The following NRCAM variants were observed in gnomAD, a reference collection of about 807,000 sequenced individuals.
NRCAM encodes NgCAM-related cell adhesion molecule.
In NRCAM, 83 loss-of-function variants were observed where a neutral mutation model predicts 156.5. The ratio of observed to expected loss-of-function variants is 0.53; its 90% CI spans 0.44 to 0.64. The LOEUF is 0.64. NRCAM is among the 30% of genes least tolerant of loss of function. NRCAM has a pLI of 0.00. For missense variants in NRCAM, 1,417 were observed against 1,597.3 expected (o/e 0.89, Z 1.92); for synonymous variants, 538 against 563.9 (o/e 0.95, Z 0.65).
intron 2 of NRCAM, among the ~76,000 whole-genome samples, chr7:108,366,323 T>C (rs937891517): frequency 3.9e-5 from 6 of 152,214 alleles, no homozygotes; most frequent in Admixed American, 2.6e-4. Flanking sequence ...TAGGTGGAGA[T>C]ATATTTAAAG....
intron 2 of NRCAM, among the ~76,000 whole-genome samples, chr7:108,387,493 G>A (rs1226670659): frequency 6.6e-6 from 1 of 151,988 alleles, no homozygotes; most frequent in Non-Finnish European, 1.5e-5. Flanking sequence ...TGAATATTTT[G>A]CTGTCAAATC....
At chr7:108,205,192 G>A (rs938983808) in intron 13 of NRCAM, among the ~76,000 whole-genome samples, 10 of 152,174 alleles carry the variant, frequency 6.6e-5, no homozygotes, top group African/African-American at 2.4e-4. Flanking sequence ...AAGGTCTTGA[G>A]GGAGCCCGTA....
At chr7:108,410,434 T>A (rs1794013727) in intron 1 of NRCAM, among the ~76,000 whole-genome samples, 1 of 152,174 alleles carries the variant, frequency 6.6e-6, no homozygotes, top group African/African-American at 2.4e-5. Context: ...CTCCTTAAAT[T>A]TGATGGGTTT....
In NRCAM at chr7:108,367,081, C is replaced by G. The variant is rs572668419; in HGVS notation, c.-174+32355G>C. 2.6e-5 allele frequency among the ~76,000 whole-genome samples: 4 copies of G among 152,246 alleles called. No individual in the cohort carries two copies. In the East Asian group the frequency reaches 5.8e-4, roughly 22 times the overall value. On this transcript the variant is annotated intron_variant, in intron 2 of 32. Coordinates refer to ENST00000379028, the MANE Select transcript of NRCAM (RefSeq NM_001037132.4). Reference sequence around the variant, plus strand: ...TACTCAATTCTTTGGCAGTCTGCTACTTTGATTAGAACAGAAAATGGGAAA... The same window carrying G: ...TACTCAATTCTTTGGCAGTCTGCTAGTTTGATTAGAACAGAAAATGGGAAA...
intron 1 of NRCAM, among the ~76,000 whole-genome samples, chr7:108,408,546 G>T (rs190229084): frequency 1.8e-4 from 28 of 152,324 alleles, no homozygotes; most frequent in Admixed American, 4.6e-4. Flanking sequence ...CTCCCCTCCT[G>T]ACATATGAGG....
intron 2 of NRCAM, among the ~76,000 whole-genome samples, chr7:108,394,068 T>C (rs1344182285): frequency 1.3e-5 from 2 of 152,180 alleles, no homozygotes; most frequent in East Asian, 3.8e-4. Flanking sequence ...TCCTACACAT[T>C]GTCCTGAACT....
At chr7:108,423,396 T>C (rs1399017540) in intron 1 of NRCAM, among the ~76,000 whole-genome samples, 1 of 151,774 alleles carries the variant, frequency 6.6e-6, no homozygotes, top group African/African-American at 2.4e-5. Context: ...AAAGTGGGGA[T>C]GGGGGTGGAA....
chr7:108,256,105 G>A (rs371466926), intron 3 of NRCAM, among the ~76,000 whole-genome samples: 63 of 150,704 alleles, frequency 4.2e-4, no homozygotes, highest in African/African-American at 1.4e-3. Flanking sequence ...CTGCCCGGCC[G>A]CCACCCCGTC....
intron 2 of NRCAM, among the ~76,000 whole-genome samples, chr7:108,364,028 T>C (rs73420264): frequency 0.01 from 1,524 of 152,300 alleles, 29 homozygotes; most frequent in African/African-American, 0.033. Context: ...TTAATAATAA[T>C]GTATTCATAT....
intron 8 of NRCAM, among the ~76,000 whole-genome samples, chr7:108,229,370 C>T (rs1436111615): frequency 2.0e-5 from 3 of 152,168 alleles, no homozygotes; most frequent in Non-Finnish European, 4.4e-5. Flanking sequence ...TGAAGCAATC[C>T]TCCCATCCCA....
At chr7:108,180,524 G>A (rs1182349450) in intron 24 of NRCAM, 97 bp from the exon 25 acceptor site, 25 of 979,014 alleles carry the variant, frequency 2.6e-5, no homozygotes, top group East Asian at 2.0e-4. Context: ...AGAAAATTCC[G>A]TTGGTATATT....
Position 108,195,771 on chromosome 7 carries a change from T to A in NRCAM, c.1453A>T (p.Thr485Ser). 1 of 1,588,294 alleles carries A rather than the reference T, an allele frequency of 6.3e-7. No homozygotes were observed. ...AGAGCTGCTACTTACCACTCGATGG[T>A]TGGGAGAGGAGACCCAAAGAAGGCA... ...DCAFFGSPLP[T>S]IEWFKGAKGS... Residue 485 changes from threonine to serine, a missense_variant, in exon 15 of 33, where the codon ACC (threonine) becomes TCC (serine). Around this residue, in one of 2 missense-constraint regions of NRCAM, gnomAD observed 1,238 missense variants for 1,336.4 expected, o/e 0.93. Transcript: ENST00000379028.
intron 2 of NRCAM, among the ~76,000 whole-genome samples, chr7:108,325,135 G>C (rs780543582): frequency 5.9e-5 from 8 of 134,980 alleles, no homozygotes; most frequent in Non-Finnish European, 1.1e-4. Context: ...AAATACATTA[G>C]TCTTTTCAGC....
At chr7:108,351,099 G>C (rs13230465) in intron 2 of NRCAM, among the ~76,000 whole-genome samples, 29,939 of 152,106 alleles carry the variant, frequency 0.2, 3,491 homozygotes, top group East Asian at 0.45. Context: ...ATGCAACACT[G>C]CTGACAAGTG....
At chr7:108,182,581 G>T (rs9987047) in intron 23 of NRCAM, 114 bp downstream of exon 23, 1 of 835,426 alleles carries the variant, frequency 1.2e-6, no homozygotes, top group Non-Finnish European at 1.9e-6. Context: ...CAGAGAAGTC[G>T]TGCAAAATAA....
chr7:108,234,529 GA>G, intron 6 of NRCAM, 53 bp downstream of exon 6: 1 of 1,084,170 alleles, frequency 9.2e-7, no homozygotes, highest in Middle Eastern at 2.0e-4. Flanking sequence ...TCTCTATTCA[GA>G]GAGATTTCCT....
intron 2 of NRCAM, among the ~76,000 whole-genome samples, chr7:108,358,406 A>G (rs1173985957): frequency 6.6e-6 from 1 of 152,128 alleles, no homozygotes; most frequent in Non-Finnish European, 1.5e-5. Context: ...CCTTGTCTCA[A>G]AACAAAAACC....
intron 3 of NRCAM, among the ~76,000 whole-genome samples, chr7:108,309,057 G>GC (rs1487022620): frequency 2.0e-5 from 3 of 152,198 alleles, no homozygotes; most frequent in Non-Finnish European, 4.4e-5. Flanking sequence ...CGCCTGGGTT[G>GC]AAAGAACAGA....
At chr7:108,414,942 A>T (rs1470492942) in intron 1 of NRCAM, among the ~76,000 whole-genome samples, 2 of 152,144 alleles carry the variant, frequency 1.3e-5, no homozygotes, top group African/African-American at 4.8e-5. Flanking sequence ...GGGGAGCAGC[A>T]GGGTGAGTCC....
Sources: allele counts gnomAD v4.1 joint callset (sites outside exome capture counted in the v4.1 genomes callset), GRCh38; gene constraint gnomAD v4.1.1; regional missense constraint gnomAD v4.1.1; transcripts MANE v1.5; gene names NCBI Gene and HGNC (gene_info 2026-07-23, HGNC 2026-07-21).